The following AKAP6 variants were observed in gnomAD, a reference collection of about 807,000 sequenced individuals.
AKAP6 encodes the protein A-kinase anchoring protein 6.
In AKAP6, 58 loss-of-function variants were observed where a neutral mutation model predicts 188.5. That is an observed-to-expected ratio of 0.31 (90% confidence interval 0.25 to 0.38). AKAP6 has a LOEUF of 0.38. Ranked by LOEUF, AKAP6 falls within the 10% of genes least tolerant of loss-of-function variation. The pLI is 1.00. For missense variants in AKAP6, 2,710 were observed against 2,740.0 expected, an observed-to-expected ratio of 0.99 and a Z score of 0.24; for synonymous variants, 989 against 998.6, an observed-to-expected ratio of 0.99 and a Z score of 0.18.
chr14:32,796,275 A>G (rs2033764854), intron 12 of AKAP6, among the ~76,000 whole-genome samples: 1 of 152,184 alleles, frequency 6.6e-6, no homozygotes, highest in Non-Finnish European at 1.5e-5. Context: ...TTAGAAAAAA[A>G]CTTTAAAAAT....
At chr14:32,523,166 G>A (rs545301305) in intron 2 of AKAP6, among the ~76,000 whole-genome samples, 3 of 151,514 alleles carry the variant, frequency 2.0e-5, no homozygotes, top group South Asian at 2.1e-4. Context: ...ATCACACACC[G>A]GGGCCTGTCT....
intron 8 of AKAP6, among the ~76,000 whole-genome samples, chr14:32,685,073 T>C (rs1889850374): frequency 1.4e-5 from 2 of 142,798 alleles, no homozygotes; most frequent in Admixed American, 7.1e-5. Flanking sequence ...CTTGGTAACA[T>C]AGTAAGACCC....
At chr14:32,684,814 T>C (rs1348560115) in intron 8 of AKAP6, among the ~76,000 whole-genome samples, 1 of 151,982 alleles carries the variant, frequency 6.6e-6, no homozygotes, top group Admixed American at 6.5e-5. Context: ...ATAAATAATA[T>C]GAAAAATCAT....
chr14:32,361,833 A>G (rs899941620), intron 1 of AKAP6, among the ~76,000 whole-genome samples: 1 of 152,098 alleles, frequency 6.6e-6, no homozygotes. Flanking sequence ...GCTATCCTTC[A>G]CTGCTTAAAA....
intron 2 of AKAP6, among the ~76,000 whole-genome samples, chr14:32,510,114 G>A (rs1881100419): frequency 6.6e-6 from 1 of 151,948 alleles, no homozygotes; most frequent in South Asian, 2.1e-4. Flanking sequence ...GCACTGGCTA[G>A]CACCAGATTC....
At chr14:32,439,713 A>G (rs1264677849) in intron 2 of AKAP6, among the ~76,000 whole-genome samples, 1 of 152,152 alleles carries the variant, frequency 6.6e-6, no homozygotes, top group African/African-American at 2.4e-5. Context: ...TATCTAAAAC[A>G]TGCCCTTGGA....
intron 4 of AKAP6, among the ~76,000 whole-genome samples, chr14:32,559,667 C>A (rs1267744970): frequency 6.6e-6 from 1 of 152,016 alleles, no homozygotes; most frequent in African/African-American, 2.4e-5. Context: ...AATAAAAAAA[C>A]CTCTTTATCC....
intron 2 of AKAP6, among the ~76,000 whole-genome samples, chr14:32,473,032 C>T (rs1394667678): frequency 6.6e-6 from 1 of 152,188 alleles, no homozygotes; most frequent in East Asian, 1.9e-4. Context: ...CCCAGAAGCT[C>T]ACCCAAACAC....
At chr14:32,442,993 C>T (rs1890631522) in intron 2 of AKAP6, among the ~76,000 whole-genome samples, 2 of 151,910 alleles carry the variant, frequency 1.3e-5, no homozygotes, top group African/African-American at 4.8e-5. Flanking sequence ...AAATGAACAT[C>T]TTTAATGATA....
rs189891142 is a variant in AKAP6, at chr14:32,662,036, C to T, written c.2731-16275C>T. Among the ~76,000 whole-genome samples, 176 of 152,084 alleles carry T rather than the reference C, an allele frequency of 1.2e-3. 2 individuals carry two copies. Among genetic ancestry groups the T allele is most frequent in the South Asian group, 5.8e-3 (28 of 4,826 alleles). ...ATCTAGGTACCTAGTGAACAGTGAA[C>T]TGAAGTAGGTGAACCCAGGATTACC... On this transcript the variant is annotated intron_variant, in intron 7 of 13. Coordinates refer to ENST00000280979, the MANE Select transcript of AKAP6 (RefSeq NM_004274.5).
rs1022951844 is a variant in AKAP6, at chr14:32,660,694, G to A, written c.2731-17617G>A. The stretch of plus-strand genomic sequence containing the variant: ...TGGAATCTACTTTAGGTAGATATTC[G>A]ATTCATGAATACTATTTAAAACGTG... On this transcript the variant is annotated intron_variant, in intron 7 of 13. Transcript: ENST00000280979. Among the ~76,000 whole-genome samples the A allele has an allele frequency of 9.2e-5, 14 of 152,048 alleles. No homozygotes were observed. The East Asian group carries it at 2.1e-3, about 23-fold the overall frequency.
rs900478560 is a variant in AKAP6, at chr14:32,810,116, C to T, written c.3589-11286C>T. On this transcript the variant is annotated intron_variant, in intron 12 of 13. Coordinates refer to ENST00000280979, the MANE Select transcript of AKAP6 (RefSeq NM_004274.5). ...ACTAGCAGGTCAGTGTCTTACATCT[C>T]TGTGCGATCAACTCAGTCATAGTCT... Among the ~76,000 whole-genome samples the T allele has an allele frequency of 2.6e-5, 4 of 152,276 alleles. No individual in the cohort carries two copies. In the East Asian group the frequency reaches 7.7e-4, roughly 29 times the overall value.
At chr14:32,748,680 G>T (rs890329635) in intron 11 of AKAP6, among the ~76,000 whole-genome samples, 1 of 152,108 alleles carries the variant, frequency 6.6e-6, no homozygotes, top group South Asian at 2.1e-4. Flanking sequence ...CCCAAGACTA[G>T]GAAAAAAGGA....
chr14:32,482,351 T>C (rs1879396799), intron 2 of AKAP6, among the ~76,000 whole-genome samples: 1 of 152,204 alleles, frequency 6.6e-6, no homozygotes, highest in African/African-American at 2.4e-5. Flanking sequence ...CTAAATATAT[T>C]AAGACTAGTC....
In AKAP6 at chr14:32,640,198, T is replaced by C. The variant is rs1340980388; in HGVS notation, c.2731-38113T>C. Among the ~76,000 whole-genome samples, 11 of 152,272 alleles carry C rather than the reference T, an allele frequency of 7.2e-5. No individual in the cohort carries two copies. The South Asian group carries it at 2.3e-3, about 32-fold the overall frequency. Reference sequence around the variant, plus strand: ...GGAAAAATAAGATCTGTAGCTCCTATCTTGTTTATCCTAATCAGGATTAGC... The same window carrying C: ...GGAAAAATAAGATCTGTAGCTCCTACCTTGTTTATCCTAATCAGGATTAGC... On this transcript the variant is annotated intron_variant, in intron 7 of 13. Transcript: ENST00000280979.
chr14:32,486,308 T>C (rs1374170662), intron 2 of AKAP6, among the ~76,000 whole-genome samples: 2 of 152,220 alleles, frequency 1.3e-5, no homozygotes. Context: ...GGCTCTTTTT[T>C]GGTTCCATAT....
At chr14:32,495,647 C>T (rs1212432455) in intron 2 of AKAP6, among the ~76,000 whole-genome samples, 1 of 152,184 alleles carries the variant, frequency 6.6e-6, no homozygotes, top group Non-Finnish European at 1.5e-5. Flanking sequence ...CAAAGTGCGA[C>T]TTATCTGGCG....
At chr14:32,471,859 C>T (rs1051965928) in intron 2 of AKAP6, among the ~76,000 whole-genome samples, 1 of 152,100 alleles carries the variant, frequency 6.6e-6, no homozygotes, top group African/African-American at 2.4e-5. Flanking sequence ...GCACAGATAA[C>T]GCAGCGTGTT....
intron 2 of AKAP6, among the ~76,000 whole-genome samples, chr14:32,533,966 G>A (rs1363033852): frequency 6.6e-6 from 1 of 152,150 alleles, no homozygotes; most frequent in Non-Finnish European, 1.5e-5. Flanking sequence ...TCTGTTTCAA[G>A]TTATAATCAC....
Sources: allele counts gnomAD v4.1 joint callset (sites outside exome capture counted in the v4.1 genomes callset), GRCh38; gene constraint gnomAD v4.1.1; transcripts MANE v1.5; gene names NCBI Gene and HGNC (gene_info 2026-07-23, HGNC 2026-07-21).